SV2C: variants seen among roughly 807,000 people sequenced by gnomAD.
SV2C encodes the protein solute carrier family 22 member B3.
Under a neutral mutation model 79.7 loss-of-function variants are expected in SV2C, and 49 were observed. The ratio of observed to expected loss-of-function variants is 0.61; its 90% confidence interval spans 0.49 to 0.78. The LOEUF (loss-of-function observed/expected upper bound fraction) is 0.78. Among genes scored for constraint, SV2C ranks in the 30% least tolerant of loss-of-function variants. SV2C has a pLI of 0.00. For missense variants in SV2C, 833 were observed against 912.9 expected, an observed-to-expected ratio of 0.91 and a Z score of 1.13; for synonymous variants, 334 against 333.2, an observed-to-expected ratio of 1.00 and a Z score of -0.03.
chr5:76,329,564 G>T lies in SV2C; in HGVS notation c.*4017G>T, dbSNP rs1749112905. ...GGAAAAGAAATGTAGTGACAGAAGG[G>T]AGAGTCCAAGATACCACTGATAAGG... On this transcript the variant is annotated 3_prime_UTR_variant, in exon 13 of 13. Transcript: ENST00000502798. 1 of 152,172 alleles carries T rather than the reference G, an allele frequency of 6.6e-6. No individual in the cohort carries two copies. Among genetic ancestry groups the T allele is most frequent in the African/African-American group, 2.4e-5 (1 of 41,436 alleles). 9.4% of individuals were successfully genotyped at this position (152,172 alleles called of 1,614,324 possible). A position where few individuals can be genotyped will look rare whatever the true frequency, so the allele number is the denominator to read the frequency against.
At chr5:76,033,156 C>CA in the SV2C span, among the ~76,000 whole-genome samples, 1 of 151,884 alleles carries the variant, frequency 6.6e-6, no homozygotes, top group African/African-American at 2.4e-5. Flanking sequence ...AGCCCTTTGT[C>CA]AGATGAGTAG....
At chr5:76,262,804 TGTGATTTCC>T (rs1746519693) in intron 4 of SV2C, among the ~76,000 whole-genome samples, 2 of 142,752 alleles carry the variant, frequency 1.4e-5, no homozygotes, top group South Asian at 4.1e-4. Flanking sequence ...GACTGACTGT[TGTGATTTCC>T]GTTCTTTTGC....
intron 12 of SV2C, among the ~76,000 whole-genome samples, chr5:76,309,354 A>G (rs1748323761): frequency 6.6e-6 from 1 of 152,050 alleles, no homozygotes; most frequent in African/African-American, 2.4e-5. Context: ...TAATCCCAGC[A>G]CTTTGGGAGG....
At chr5:76,110,615 A>G (rs1184527936) in intron 1 of SV2C, among the ~76,000 whole-genome samples, 1 of 152,238 alleles carries the variant, frequency 6.6e-6, no homozygotes, top group Non-Finnish European at 1.5e-5. Context: ...ACATTTGATC[A>G]CAGAGGCTGC....
At chr5:75,977,855 G>A in the SV2C span, among the ~76,000 whole-genome samples, 19 of 151,964 alleles carry the variant, frequency 1.3e-4, no homozygotes, top group African/African-American at 4.1e-4. Flanking sequence ...CTCTCCTCTC[G>A]AATTATCACA....
the SV2C span, among the ~76,000 whole-genome samples, chr5:75,972,146 C>A: frequency 6.6e-6 from 1 of 152,104 alleles, no homozygotes; most frequent in East Asian, 1.9e-4. Flanking sequence ...AAACTGGATC[C>A]CTTCCTTACA....
the SV2C span, among the ~76,000 whole-genome samples, chr5:75,892,387 A>C: frequency 6.6e-6 from 1 of 151,914 alleles, no homozygotes; most frequent in East Asian, 1.9e-4. Flanking sequence ...AAGTATAGTC[A>C]TCCTATCTGC....
chr5:76,138,475 C>G (rs1275758041), intron 2 of SV2C, among the ~76,000 whole-genome samples: 2 of 152,124 alleles, frequency 1.3e-5, no homozygotes, highest in African/African-American at 4.8e-5. Flanking sequence ...TTTCAAAAAC[C>G]TTAATAGAAG....
chr5:75,903,434 G>A, the SV2C span, among the ~76,000 whole-genome samples: 1 of 151,614 alleles, frequency 6.6e-6, no homozygotes, highest in East Asian at 1.9e-4. Context: ...ATTCTTCACA[G>A]GTTTTTGTCT....
At chr5:76,171,500 C>T (rs1053549635) in intron 2 of SV2C, among the ~76,000 whole-genome samples, 1 of 129,140 alleles carries the variant, frequency 7.7e-6, no homozygotes, top group South Asian at 2.6e-4. Context: ...GACCCTCTGC[C>T]TGGCAACCAC....
intron 2 of SV2C, among the ~76,000 whole-genome samples, chr5:76,160,658 T>C (rs1742870812): frequency 6.6e-6 from 1 of 152,142 alleles, no homozygotes; most frequent in African/African-American, 2.4e-5. Flanking sequence ...ATAAGAGAAT[T>C]GTATCCAGAA....
Position 76,174,103 on chromosome 5 carries a change from A to T in SV2C, c.581-20816A>T, listed in dbSNP as rs1286191695. The T allele has an allele frequency of 3.1e-6, 5 of 1,592,664 alleles. No homozygotes were observed. The African/African-American group carries it at 6.7e-5, about 21-fold the overall frequency. On this transcript the variant is annotated intron_variant, in intron 2 of 12. Transcript: ENST00000502798. ...TCGTAGGATCGTATTTTTCTACAAA[A>T]ATTCCTTGAACAAATTGTACAGTCA... is the stretch of plus-strand genomic sequence containing the variant.
At chr5:76,311,054 G>T (rs530939182) in intron 12 of SV2C, 7 of 152,388 alleles carry the variant, frequency 4.6e-5, no homozygotes, top group African/African-American at 1.7e-4. Flanking sequence ...GGCAGTAGTA[G>T]TTTGCAGCTG....
intron 1 of SV2C, among the ~76,000 whole-genome samples, chr5:76,102,289 G>T (rs1046592121): frequency 6.6e-6 from 1 of 152,000 alleles, no homozygotes; most frequent in Non-Finnish European, 1.5e-5. Flanking sequence ...CTTTATGCCT[G>T]CCTGGAGACT....
chr5:75,976,866 G>A, the SV2C span, among the ~76,000 whole-genome samples: 2 of 152,136 alleles, frequency 1.3e-5, no homozygotes, highest in African/African-American at 2.4e-5. Flanking sequence ...CGAAAAGCTA[G>A]CTCTATTCCA....
the SV2C span, among the ~76,000 whole-genome samples, chr5:76,048,896 G>A: frequency 7.7e-6 from 1 of 129,132 alleles, no homozygotes; most frequent in African/African-American, 2.9e-5. Flanking sequence ...AGGAAGGAGA[G>A]AGGGAGGGAG....
At chr5:75,959,485 C>T in the SV2C span, among the ~76,000 whole-genome samples, 9 of 151,912 alleles carry the variant, frequency 5.9e-5, no homozygotes, top group Admixed American at 4.6e-4. Context: ...GAGTAGTGGA[C>T]ATGGCATTGA....
Position 76,261,349 on chromosome 5 carries a change from C to T in SV2C, c.914-23813C>T, listed in dbSNP as rs911506891. The stretch of plus-strand genomic sequence containing the variant: ...AGCTTAAGGAGTTTTTGGGCTGAGA[C>T]GATAGGGTTTTCTAAATATACAAAC... On this transcript the variant is annotated intron_variant, in intron 4 of 12. Coordinates refer to ENST00000502798, the MANE Select transcript of SV2C (RefSeq NM_014979.4). Among the ~76,000 whole-genome samples, 9 of 152,098 alleles carry T rather than the reference C, an allele frequency of 5.9e-5. No homozygotes were observed. In the East Asian group the frequency reaches 1.2e-3, roughly 20 times the overall value.
At chr5:76,054,367 C>T in the SV2C span, among the ~76,000 whole-genome samples, 1 of 152,118 alleles carries the variant, frequency 6.6e-6, no homozygotes, top group Non-Finnish European at 1.5e-5. Context: ...TGCATATGTG[C>T]CACATTTTCT....
Sources: gnomAD v4.1 joint callset for allele counts (sites outside exome capture counted in the v4.1 genomes callset) on GRCh38, gnomAD v4.1.1 for gene constraint, MANE v1.5 for transcripts, NCBI Gene and HGNC (gene_info 2026-07-23, HGNC 2026-07-21) for gene names.